BID: variants seen among roughly 807,000 people sequenced by gnomAD.
BID encodes BH3-interacting domain death agonist.
BID carries 19 observed loss-of-function variants against 17.4 expected under a neutral mutation model. That is an observed-to-expected ratio of 1.09 (90% confidence interval 0.76 to 1.60). BID has a LOEUF of 1.60. Among genes scored for constraint, BID ranks in the 40% most tolerant of loss-of-function variants. The pLI is 0.00. For missense variants in BID, 226 were observed against 256.0 expected (o/e 0.88, Z 0.80); for synonymous variants, 108 against 102.8 (o/e 1.05, Z -0.31).
In BID at chr22:17,743,944, A is replaced by G; in HGVS notation, c.82T>C (p.Cys28Arg). The part of the protein sequence containing the change: ...NLLVFGFLQS[C>R]SDNSFRRELD... ...TCTCTGCGGAAGCTGTTGTCAGAAC[A>G]GCTTTGGAGGAAGCCAAACACCAGT... The change falls in exon 3 of 6, where the codon TGT (cysteine) becomes CGT (arginine). Residue 28 changes from cysteine to arginine, a missense_variant. By Grantham distance (180) the Cys-to-Arg change is radical (BLOSUM62 -3). Transcript: ENST00000622694. 6.2e-7 allele frequency: 1 copy of G among 1,614,034 alleles called. No individual in the cohort carries two copies. Among genetic ancestry groups the G allele is most frequent in the Non-Finnish European group, 8.5e-7 (1 of 1,180,038 alleles).
At chr22:17,738,611 A>G (rs1477025598) in intron 4 of BID, among the ~76,000 whole-genome samples, 1 of 152,004 alleles carries the variant, frequency 6.6e-6, no homozygotes, top group African/African-American at 2.4e-5. Context: ...TTCCTGGGGG[A>G]CACTAGACAG....
intron 2 of BID, among the ~76,000 whole-genome samples, chr22:17,749,297 C>T (rs547528101): frequency 3.3e-5 from 5 of 152,326 alleles, no homozygotes; most frequent in Non-Finnish European, 7.4e-5. Context: ...ATCCAGGGAG[C>T]GTCCTGCTGA....
chr22:17,766,938 G>A (rs972255254), intron 1 of BID, among the ~76,000 whole-genome samples: 6 of 150,762 alleles, frequency 4.0e-5, no homozygotes, highest in African/African-American at 1.5e-4. Flanking sequence ...ATTATTAGAA[G>A]TACAGCCAGG....
chr22:17,738,159 T>C lies in BID; in HGVS notation c.434A>G (p.Glu145Gly). 1 of 1,613,706 alleles carries C rather than the reference T, an allele frequency of 6.2e-7. No individual in the cohort carries two copies. Among genetic ancestry groups the C allele is most frequent in the Non-Finnish European group, 8.5e-7 (1 of 1,180,042 alleles). ...LQAYPRDMEK[E>G]KTMLVLALLL... ...CAGGGCCAGCACCAGCATGGTCTTC[T>C]CCTTCTCCATGTCTCTAGGGTAGGC... The change falls in exon 5 of 6, where the codon GAG becomes GGG. Residue 145 changes from glutamate to glycine, a missense_variant. By Grantham distance (98) the Glu-to-Gly change is moderately conservative (BLOSUM62 -2). Coordinates refer to ENST00000622694, the MANE Select transcript of BID (RefSeq NM_001196.4).
intron 1 of BID, among the ~76,000 whole-genome samples, chr22:17,756,477 T>G: frequency 1.0e-5 from 1 of 97,632 alleles, no homozygotes; most frequent in African/African-American, 3.9e-5. Context: ...CTTTCTTTCT[T>G]TTCTTTCTTT....
chr22:17,735,511 A>G lies in BID; in HGVS notation c.*69T>C, dbSNP rs1747340648. 1.9e-6 allele frequency: 3 copies of G among 1,598,018 alleles called. No individual in the cohort carries two copies. Among genetic ancestry groups the G allele is most frequent in the Admixed American group, 1.7e-5 (1 of 59,968 alleles). ...CTGTTGACATGCCAGGGCTCCGTCT[A>G]CACTGGAAGCAGCTATACAGCTGTG... is the stretch of plus-strand genomic sequence containing the variant. On this transcript the variant is annotated 3_prime_UTR_variant, in exon 6 of 6. Coordinates refer to ENST00000622694, the MANE Select transcript of BID (RefSeq NM_001196.4).
intron 2 of BID, 50 bp from the exon 3 acceptor site, chr22:17,744,063 C>A: frequency 6.6e-7 from 1 of 1,517,806 alleles, no homozygotes; most frequent in Non-Finnish European, 9.1e-7. Context: ...AGGCCAGAGG[C>A]CCCTCCTGCA....
intron 1 of BID, among the ~76,000 whole-genome samples, chr22:17,753,118 C>G (rs1209972240): frequency 6.6e-6 from 1 of 150,870 alleles, no homozygotes; most frequent in Non-Finnish European, 1.5e-5. Context: ...AGGCGCCCAC[C>G]ACCACGCCTG....
At chr22:17,746,161 G>A (rs2061493826) in intron 2 of BID, among the ~76,000 whole-genome samples, 1 of 151,704 alleles carries the variant, frequency 6.6e-6, no homozygotes, top group East Asian at 1.9e-4. Context: ...ATAAGTGGGA[G>A]CTAAACAATG....
At chr22:17,747,218 G>A (rs1441841783) in intron 2 of BID, among the ~76,000 whole-genome samples, 3 of 152,322 alleles carry the variant, frequency 2.0e-5, no homozygotes, top group Non-Finnish European at 2.9e-5. Flanking sequence ...AGGCTGGGCC[G>A]GCCCTGCAGG....
chr22:17,736,438 CAA>C (rs1052622659), intron 5 of BID, among the ~76,000 whole-genome samples: 11 of 123,464 alleles, frequency 8.9e-5, no homozygotes, highest in Non-Finnish European at 1.3e-4. Context: ...GCCTGGGCAA[CAA>C]GAGCAAAATT....
chr22:17,753,381 G>A (rs1264908736), intron 1 of BID, among the ~76,000 whole-genome samples: 1 of 152,234 alleles, frequency 6.6e-6, no homozygotes, highest in Non-Finnish European at 1.5e-5. Context: ...GCTGTGCCTT[G>A]AGGCCACACG....
In BID at chr22:17,773,793, A is replaced by G; in HGVS notation, c.-59+588T>C. 9.3e-7 allele frequency: 1 copy of G among 1,076,938 alleles called. No individual in the cohort carries two copies. Among genetic ancestry groups the G allele is most frequent in the Non-Finnish European group, 1.4e-6 (1 of 735,434 alleles). 66.7% of individuals were successfully genotyped at this position (1,076,938 alleles called of 1,614,324 possible). On this transcript the variant is annotated intron_variant, in intron 1 of 5. Coordinates refer to ENST00000622694, the MANE Select transcript of BID (RefSeq NM_001196.4). This position sits in a 1 kb window ranked among gnomAD's most constrained non-coding sequence, Gnocchi z 4.4. ...TCCCCTGGGGTCATTCAGCCACTCA[A>G]CAGTTTCCCAGCAGCAGCAGCGAGG...
intron 3 of BID, among the ~76,000 whole-genome samples, chr22:17,742,923 G>C (rs2061470942): frequency 6.6e-6 from 1 of 152,252 alleles, no homozygotes; most frequent in Non-Finnish European, 1.5e-5. Flanking sequence ...GGAGCTGGAG[G>C]CTGGAGGAGA....
At chr22:17,748,885 CT>C (rs1179179019) in intron 2 of BID, among the ~76,000 whole-genome samples, 1 of 152,264 alleles carries the variant, frequency 6.6e-6, no homozygotes, top group Non-Finnish European at 1.5e-5. Flanking sequence ...CTTTTGGACA[CT>C]GACAACAAGC....
chr22:17,753,425 T>C (rs1342398560), intron 1 of BID, among the ~76,000 whole-genome samples: 1 of 152,150 alleles, frequency 6.6e-6, no homozygotes, highest in Non-Finnish European at 1.5e-5. Context: ...CCTTGGGACA[T>C]GAGGCCGCCT....
chr22:17,762,374 G>A (rs9605398), intron 1 of BID, among the ~76,000 whole-genome samples: 12,075 of 152,028 alleles, frequency 0.079, 731 homozygotes, highest in Non-Finnish European at 0.12. Context: ...GCGTGCACCT[G>A]TAACCCAGCT....
intron 5 of BID, among the ~76,000 whole-genome samples, chr22:17,737,546 C>G (rs1253386710): frequency 6.6e-6 from 1 of 152,020 alleles, no homozygotes; most frequent in Non-Finnish European, 1.5e-5. Context: ...GGCTTTCACC[C>G]TGTTGGCCAG....
rs142664099 is a variant in BID, at chr22:17,763,534, G to A, written c.-59+10847C>T. 9.4e-3 allele frequency among the ~76,000 whole-genome samples: 1,436 copies of A among 152,204 alleles called. 24 individuals carry two copies. The highest frequency in any genetic ancestry group is 0.033 in the African/African-American group (1,377 of 41,510). ...GCTGGGATTACAGGCGTGAACCACC[G>A]TGCCTGGCCTTATTATAACTTTTAA... is the stretch of plus-strand genomic sequence containing the variant. On this transcript the variant is annotated intron_variant, in intron 1 of 5. Coordinates refer to ENST00000622694, the MANE Select transcript of BID (RefSeq NM_001196.4).
Sources: allele counts gnomAD v4.1 joint callset (sites outside exome capture counted in the v4.1 genomes callset), GRCh38; gene constraint gnomAD v4.1.1; non-coding constraint Gnocchi (gnomAD v3.1); transcripts MANE v1.5; gene names NCBI Gene and HGNC (gene_info 2026-07-23, HGNC 2026-07-21).